The following ACOX1 variants were observed in gnomAD, a reference collection of about 807,000 sequenced individuals.
ACOX1 encodes acyl-CoA oxidase 1, also known as peroxisomal acyl-coenzyme A oxidase 1.
A neutral mutation model predicts 75.5 loss-of-function variants in ACOX1; 41 were observed. That is an observed-to-expected ratio of 0.54 (90% CI 0.42 to 0.70). The LOEUF is 0.70. Ranked by LOEUF, ACOX1 falls within the 30% of genes least tolerant of loss-of-function variation. ACOX1 has a pLI of 0.00. For synonymous variants in ACOX1, 303 were observed against 298.8 expected (o/e 1.01, Z -0.15); for missense variants, 630 against 837.5 (o/e 0.75, Z 3.06).
intron 13 of ACOX1, among the ~76,000 whole-genome samples, chr17:75,947,122 A>G (rs753760055): frequency 4.6e-5 from 7 of 152,068 alleles, no homozygotes; most frequent in Non-Finnish European, 1.0e-4. Flanking sequence ...CACCCACCTC[A>G]GCCTCCCAAA....
rs1173965751 is a variant in ACOX1, at chr17:75,941,588, T to C, written c.*5160A>G. ...GGAAAGAACGGTTTGTAGTTTTGCT[T>C]ACCCGCAGTGCTGGCAGGTCACAGC... On this transcript the variant is annotated 3_prime_UTR_variant, in exon 14 of 14. Coordinates refer to ENST00000293217, the MANE Select transcript of ACOX1 (RefSeq NM_004035.7). 6.6e-6 allele frequency: 1 copy of C among 152,306 alleles called. No individual in the cohort carries two copies. Among genetic ancestry groups the C allele is most frequent in the Non-Finnish European group, 1.5e-5 (1 of 68,076 alleles). The allele number at this position is 152,306 out of a possible 1,614,324, so 9.4% of individuals were successfully genotyped here.
At position 75,978,533 on chromosome 17, in the gene ACOX1, C is replaced by T; in HGVS notation, c.269+1G>A. On this transcript the variant is annotated splice_donor_variant, in intron 2 of 13. Coordinates refer to ENST00000293217, the MANE Select transcript of ACOX1 (RefSeq NM_004035.7). LOFTEE classifies it high-confidence loss of function. The surrounding 1 kb of genome is among the most constrained non-coding windows in gnomAD (Gnocchi z 4.2). ...CTTGCTCTGTTCTAAGGCATACCTA[C>T]TTTTTAAACCACATAATTTCATCAG... 1 of 1,614,224 alleles carries T rather than the reference C, an allele frequency of 6.2e-7. No homozygotes were observed. Among genetic ancestry groups the T allele is most frequent in the Non-Finnish European group, 8.5e-7 (1 of 1,180,048 alleles).
intron 2 of ACOX1, among the ~76,000 whole-genome samples, chr17:75,976,793 G>A (rs1049329312): frequency 6.6e-6 from 1 of 151,966 alleles, no homozygotes; most frequent in Non-Finnish European, 1.5e-5. Flanking sequence ...CGTGCAACAT[G>A]TTCTATTTAG....
chr17:75,956,913 CTCT>C lies in ACOX1; in HGVS notation c.538+543_538+545del, dbSNP rs1567877657. On this transcript the variant is annotated intron_variant, in intron 4 of 13. Coordinates refer to ENST00000293217, the MANE Select transcript of ACOX1 (RefSeq NM_004035.7). Reference sequence around the variant, plus strand: ...ATGTGCCGCTATGCCTGGCTTTCCTCTCTCTCTCTCTCTCTCTCTCTCTCTCTC... The same window carrying C: ...ATGTGCCGCTATGCCTGGCTTTCCTCCTCTCTCTCTCTCTCTCTCTCTCTC... Among the ~76,000 whole-genome samples, 33 of 42,938 alleles carry C rather than the reference CTCT, an allele frequency of 7.7e-4. 4 individuals are homozygous for C. The highest frequency in any genetic ancestry group is 2.6e-3 in the East Asian group (3 of 1,140). The allele number at this position is 42,938 out of a possible 152,430, so 28.2% of individuals were successfully genotyped here. A position where few individuals can be genotyped will look rare whatever the true frequency, so the allele number is the denominator to read the frequency against.
Position 75,953,422 on chromosome 17 carries a change from A to C in ACOX1, c.944+29T>G, listed in dbSNP as rs1304193926. 5 of 1,611,656 alleles carry C rather than the reference A, an allele frequency of 3.1e-6. No individual in the cohort carries two copies. In the South Asian group the frequency reaches 5.5e-5, roughly 18 times the overall value. ...ATGGGGTAAAAACTAGGCCTTTGGTACTGAGCCCATCTAGGACCCTATCCT... is the reference window on the plus strand; with the variant it reads ...ATGGGGTAAAAACTAGGCCTTTGGTCCTGAGCCCATCTAGGACCCTATCCT... On this transcript the variant is annotated intron_variant, in intron 7 of 13. Transcript: ENST00000293217.
chr17:75,944,294 T>C lies in ACOX1; in HGVS notation c.*2454A>G, dbSNP rs189544842. 1.3e-5 allele frequency: 2 copies of C among 152,334 alleles called. No individual in the cohort carries two copies. Among genetic ancestry groups the C allele is most frequent in the South Asian group, 2.1e-4 (1 of 4,830 alleles). The allele number at this position is 152,334 out of a possible 1,614,324, so 9.4% of individuals were successfully genotyped here. On this transcript the variant is annotated 3_prime_UTR_variant, in exon 14 of 14. Transcript: ENST00000293217. ...GAGAAGACAAGGTTAAAATGTATCT[T>C]TGTACTTGTGAAAATGGCTTACAAA...
chr17:75,974,595 C>T (rs372662512), intron 2 of ACOX1, among the ~76,000 whole-genome samples: 4 of 152,272 alleles, frequency 2.6e-5, no homozygotes, highest in Admixed American at 2.0e-4. Context: ...CTGATCTTCA[C>T]GACTTCTCAA....
At position 75,960,581 on chromosome 17, in the gene ACOX1, G is replaced by A. The variant is rs1253777214; in HGVS notation, c.270-206C>T. ...TCCATTTTTCCTGAGTCGGCAAGGA[G>A]TACGAGGACAGGGATTGGTTACTGA... On this transcript the variant is annotated intron_variant, in intron 2 of 13. Transcript: ENST00000293217. This position sits in a 1 kb window ranked among gnomAD's most constrained non-coding sequence, Gnocchi z 4.4. Among the ~76,000 whole-genome samples, 1 of 152,178 alleles carries A rather than the reference G, an allele frequency of 6.6e-6. No individual in the cohort carries two copies. Among genetic ancestry groups the A allele is most frequent in the African/African-American group, 2.4e-5 (1 of 41,436 alleles).
chr17:75,958,340 A>G (rs1218877081), intron 3 of ACOX1, among the ~76,000 whole-genome samples: 3 of 145,994 alleles, frequency 2.1e-5, no homozygotes, highest in Admixed American at 6.8e-5. Flanking sequence ...GTGGCAGAGC[A>G]AGACTCCATC....
chr17:75,946,877 T>A, intron 13 of ACOX1, 82 bp from the exon 14 acceptor site: 1 of 1,221,220 alleles, frequency 8.2e-7, no homozygotes. Flanking sequence ...TTTGTTTTTG[T>A]TTTTTTTTTG....
intron 2 of ACOX1, among the ~76,000 whole-genome samples, chr17:75,971,247 C>G (rs1187225030): frequency 1.3e-5 from 2 of 150,494 alleles, no homozygotes; most frequent in Non-Finnish European, 1.5e-5. Flanking sequence ...GCCGAGATCG[C>G]GCCATTGCAC....
intron 4 of ACOX1, 152 bp from the exon 5 acceptor site, chr17:75,956,099 G>C (rs907217527): frequency 1.0e-6 from 1 of 985,884 alleles, no homozygotes. Context: ...ATCACACCTA[G>C]CTTTCAGAAA....
At chr17:75,975,067 AAAAAAAGAAAG>A in intron 2 of ACOX1, among the ~76,000 whole-genome samples, 1 of 150,998 alleles carries the variant, frequency 6.6e-6, no homozygotes, top group East Asian at 1.9e-4. Context: ...AAAAAAAAAA[AAAAAAAGAAAG>A]AAAGAAAGAA....
At position 75,978,242 on chromosome 17, in the gene ACOX1, C is replaced by T. The variant is rs1380711726; in HGVS notation, c.269+292G>A. ...CCCGAGTAGCTGGAACTACAGGCGC[C>T]CGCCACCACGCCCGGCTAATTTTTG... On this transcript the variant is annotated intron_variant, in intron 2 of 13. Coordinates refer to ENST00000293217, the MANE Select transcript of ACOX1 (RefSeq NM_004035.7). This position sits in a 1 kb window ranked among gnomAD's most constrained non-coding sequence, Gnocchi z 4.2. 6.6e-6 allele frequency among the ~76,000 whole-genome samples: 1 copy of T among 151,978 alleles called. No homozygotes were observed. The highest frequency in any genetic ancestry group is 2.4e-5 in the African/African-American group (1 of 41,342).
At chr17:75,962,435 T>C (rs1254895433) in intron 2 of ACOX1, among the ~76,000 whole-genome samples, 1 of 152,226 alleles carries the variant, frequency 6.6e-6, no homozygotes, top group Non-Finnish European at 1.5e-5. Context: ...TTTTCCACAT[T>C]ACTGGTATTC....
chr17:75,944,566 T>A lies in ACOX1; in HGVS notation c.*2182A>T, dbSNP rs1003453849. On this transcript the variant is annotated 3_prime_UTR_variant, in exon 14 of 14. Coordinates refer to ENST00000293217, the MANE Select transcript of ACOX1 (RefSeq NM_004035.7). ...TGTTCTTAGTGTTCCCTAAATCTAA[T>A]AAACCTCTATTCTAAATTTCTTCAT... The A allele has an allele frequency of 6.6e-6, 1 of 152,230 alleles. No homozygotes were observed. The highest frequency in any genetic ancestry group is 1.5e-5 in the Non-Finnish European group (1 of 68,034). The allele number at this position is 152,230 out of a possible 1,614,324, so 9.4% of individuals were successfully genotyped here.
intron 2 of ACOX1, among the ~76,000 whole-genome samples, chr17:75,971,399 GC>G (rs1449634093): frequency 6.6e-6 from 1 of 151,754 alleles, no homozygotes; most frequent in African/African-American, 2.4e-5. Flanking sequence ...ACTTCTGTTT[GC>G]CTCAAACCAG....
intron 3 of ACOX1, among the ~76,000 whole-genome samples, chr17:75,958,646 A>G (rs546122778): frequency 6.6e-6 from 1 of 152,008 alleles, no homozygotes; most frequent in East Asian, 1.9e-4. Context: ...GTCTCTACTA[A>G]AAATACAAAA....
intron 2 of ACOX1, among the ~76,000 whole-genome samples, chr17:75,964,845 C>A (rs1220422148): frequency 1.3e-5 from 2 of 152,256 alleles, no homozygotes; most frequent in Middle Eastern, 3.4e-3. Context: ...CATCCCCAGC[C>A]TCTCTTTCCA....
Sources: allele counts gnomAD v4.1 joint callset (sites outside exome capture counted in the v4.1 genomes callset), GRCh38; gene constraint gnomAD v4.1.1; non-coding constraint Gnocchi (gnomAD v3.1); transcripts MANE v1.5; gene names NCBI Gene and HGNC (gene_info 2026-07-23, HGNC 2026-07-21).